LRRC8D: variants seen among roughly 807,000 people sequenced by gnomAD.
LRRC8D encodes leucine rich repeat containing 8 VRAC subunit D.
Under a neutral mutation model 55.8 loss-of-function variants are expected in LRRC8D, and 20 were observed. The ratio of observed to expected loss-of-function variants is 0.36; its 90% CI spans 0.25 to 0.52. The LOEUF is 0.52. Among genes scored for constraint, LRRC8D ranks in the 20% least tolerant of loss-of-function variants. The pLI, the probability that LRRC8D is intolerant of heterozygous loss-of-function variation, is 0.93. For missense variants in LRRC8D, 651 were observed against 1,030.8 expected (o/e 0.63, Z 5.05); for synonymous variants, 352 against 377.0 (o/e 0.93, Z 0.77).
At chr1:89,867,784 T>C (rs1661889769) in intron 2 of LRRC8D, among the ~76,000 whole-genome samples, 1 of 152,232 alleles carries the variant, frequency 6.6e-6, no homozygotes. Context: ...AGAACATCTT[T>C]TCATGTGAAG....
chr1:89,823,670 C>T (rs1660695130), intron 1 of LRRC8D, among the ~76,000 whole-genome samples: 1 of 152,084 alleles, frequency 6.6e-6, no homozygotes, highest in African/African-American at 2.4e-5. Context: ...TTGTTGAGTG[C>T]CAGCAGGAAG....
intron 1 of LRRC8D, among the ~76,000 whole-genome samples, chr1:89,828,061 T>C (rs1396605467): frequency 1.3e-5 from 2 of 152,230 alleles, no homozygotes; most frequent in Non-Finnish European, 2.9e-5. Flanking sequence ...AATGTGCAGC[T>C]CAGCTCAGAA....
At chr1:89,926,258 T>G (rs1409705274) in intron 2 of LRRC8D, among the ~76,000 whole-genome samples, 1 of 152,264 alleles carries the variant, frequency 6.6e-6, no homozygotes, top group Non-Finnish European at 1.5e-5. Flanking sequence ...ACTATTAGGT[T>G]GGTGCAACTT....
intron 1 of LRRC8D, among the ~76,000 whole-genome samples, chr1:89,826,187 A>G (rs961216259): frequency 6.6e-6 from 1 of 152,198 alleles, no homozygotes; most frequent in African/African-American, 2.4e-5. Flanking sequence ...AGAATTAAGG[A>G]TGCAGTTGTG....
chr1:89,846,312 AT>A (rs35802731), intron 2 of LRRC8D, among the ~76,000 whole-genome samples: 45,226 of 140,750 alleles, frequency 0.32, 6,777 homozygotes, highest in East Asian at 0.41. Flanking sequence ...TATATGATGT[AT>A]TTTTTTTTTT....
intron 2 of LRRC8D, among the ~76,000 whole-genome samples, chr1:89,879,081 C>T (rs1055095591): frequency 1.3e-5 from 2 of 152,166 alleles, no homozygotes; most frequent in East Asian, 3.8e-4. Flanking sequence ...TCCGTGCACC[C>T]CCCTGCTCTG....
At chr1:89,853,819 G>A (rs1272590369) in intron 2 of LRRC8D, among the ~76,000 whole-genome samples, 4 of 152,170 alleles carry the variant, frequency 2.6e-5, no homozygotes, top group Non-Finnish European at 4.4e-5. Context: ...GGAATGAGGA[G>A]GAGTTAAGAA....
chr1:89,897,504 G>C (rs1481689565), intron 2 of LRRC8D, among the ~76,000 whole-genome samples: 1 of 152,228 alleles, frequency 6.6e-6, no homozygotes, highest in East Asian at 1.9e-4. Flanking sequence ...TTTTGAATTG[G>C]TAAATATTCA....
intron 2 of LRRC8D, among the ~76,000 whole-genome samples, chr1:89,860,194 C>T (rs1208727490): frequency 2.6e-5 from 4 of 152,150 alleles, no homozygotes; most frequent in African/African-American, 7.2e-5. Flanking sequence ...TGCTTATATC[C>T]GAACCATTCC....
intron 2 of LRRC8D, among the ~76,000 whole-genome samples, chr1:89,872,110 C>T (rs2100825115): frequency 6.6e-6 from 1 of 152,272 alleles, no homozygotes; most frequent in East Asian, 1.9e-4. Context: ...AGAGTGTATT[C>T]CGTCTGCAAC....
chr1:89,827,378 A>T (rs1660789524), intron 1 of LRRC8D, among the ~76,000 whole-genome samples: 1 of 151,998 alleles, frequency 6.6e-6, no homozygotes, highest in South Asian at 2.1e-4. Flanking sequence ...GGGGAAAAAA[A>T]TACAAAATAT....
chr1:89,872,712 TG>T (rs1270234895), intron 2 of LRRC8D, among the ~76,000 whole-genome samples: 2 of 152,224 alleles, frequency 1.3e-5, no homozygotes, highest in African/African-American at 4.8e-5. Flanking sequence ...AGATGAATGC[TG>T]TGGGTTTTTG....
At chr1:89,823,930 G>A (rs1228100616) in intron 1 of LRRC8D, among the ~76,000 whole-genome samples, 1 of 152,202 alleles carries the variant, frequency 6.6e-6, no homozygotes, top group Non-Finnish European at 1.5e-5. Flanking sequence ...TAATAAAGGA[G>A]GGTAGAGGGA....
intron 2 of LRRC8D, among the ~76,000 whole-genome samples, chr1:89,866,172 T>G (rs1054760176): frequency 6.6e-6 from 1 of 152,224 alleles, no homozygotes; most frequent in Non-Finnish European, 1.5e-5. Flanking sequence ...GCAGTTACTA[T>G]AGTACATTCC....
chr1:89,935,785 G>C lies in LRRC8D; in HGVS notation c.*140G>C, dbSNP rs976606080. The stretch of plus-strand genomic sequence containing the variant: ...AAACAGAGAGGATGCATAGAAGGCT[G>C]ATAGAAGACATAACTGAATGTTCAA... On this transcript the variant is annotated 3_prime_UTR_variant, in exon 3 of 3. Coordinates refer to ENST00000337338, the MANE Select transcript of LRRC8D (RefSeq NM_001134479.2). 7.3e-6 allele frequency: 5 copies of C among 680,556 alleles called. No individual in the cohort carries two copies. Among genetic ancestry groups the C allele is most frequent in the African/African-American group, 7.3e-5 (4 of 55,098 alleles). 42.2% of individuals were successfully genotyped at this position (680,556 alleles called of 1,614,324 possible). A position where few individuals can be genotyped will look rare whatever the true frequency, so the allele number is the denominator to read the frequency against.
chr1:89,900,127 G>A (rs146101933), intron 2 of LRRC8D, among the ~76,000 whole-genome samples: 5 of 152,278 alleles, frequency 3.3e-5, no homozygotes, highest in Middle Eastern at 3.4e-3. Context: ...AAAGGACTGG[G>A]TTATTGGTGT....
chr1:89,833,423 C>A (rs769809271), intron 1 of LRRC8D, among the ~76,000 whole-genome samples: 58 of 152,200 alleles, frequency 3.8e-4, no homozygotes, highest in Admixed American at 3.9e-4. Flanking sequence ...CAGCACAAAA[C>A]CCATCTTGTT....
At chr1:89,920,497 T>TGA (rs145209339) in intron 2 of LRRC8D, among the ~76,000 whole-genome samples, 2,437 of 152,256 alleles carry the variant, frequency 0.016, 52 homozygotes, top group African/African-American at 0.046. Context: ...CAGTTATTTT[T>TGA]GATATCTAAA....
chr1:89,831,123 C>T (rs909986730), intron 1 of LRRC8D, among the ~76,000 whole-genome samples: 2 of 152,076 alleles, frequency 1.3e-5, no homozygotes, highest in African/African-American at 2.4e-5. Flanking sequence ...CCAGGCTGGT[C>T]TCGAACTCCT....
Sources: allele counts gnomAD v4.1 joint callset (sites outside exome capture counted in the v4.1 genomes callset), GRCh38; gene constraint gnomAD v4.1.1; transcripts MANE v1.5; gene names NCBI Gene and HGNC (gene_info 2026-07-23, HGNC 2026-07-21).